Variants in CCNY observed in about 807,000 individuals in gnomAD.
CCNY encodes the protein cyclin Y.
CCNY carries 19 observed loss-of-function variants against 42.8 expected under a neutral mutation model. The observed-to-expected ratio is 0.44, with a 90% CI of 0.31 to 0.65. The LOEUF is 0.65. Among genes scored for constraint, CCNY ranks in the 30% least tolerant of loss-of-function variants. The probability of loss-of-function intolerance (pLI) is 0.07; values close to 1 mark genes in which losing one functional copy is unlikely to be tolerated. For missense variants in CCNY, 370 were observed against 437.3 expected, an observed-to-expected ratio of 0.85 and a Z score of 1.37; for synonymous variants, 165 against 162.7, an observed-to-expected ratio of 1.01 and a Z score of -0.11.
chr10:35,379,794 A>G (rs1272326610), intron 1 of CCNY, among the ~76,000 whole-genome samples: 1 of 151,772 alleles, frequency 6.6e-6, no homozygotes, highest in Non-Finnish European at 1.5e-5. Flanking sequence ...TCCACCCCCT[A>G]CCCCTTCTTT....
intron 1 of CCNY, among the ~76,000 whole-genome samples, chr10:35,384,554 TATTGA>T (rs1476901247): frequency 6.6e-6 from 1 of 152,216 alleles, no homozygotes; most frequent in Non-Finnish European, 1.5e-5. Flanking sequence ...CCTTTTGACA[TATTGA>T]ATTGGAGTCC....
intron 3 of CCNY, among the ~76,000 whole-genome samples, chr10:35,507,194 G>A (rs967498981): frequency 1.3e-5 from 2 of 152,140 alleles, no homozygotes; most frequent in African/African-American, 4.8e-5. Context: ...TGTCAGAAAA[G>A]CCCTTTAAGA....
chr10:35,500,986 A>G (rs909336956), intron 2 of CCNY, among the ~76,000 whole-genome samples: 1 of 152,218 alleles, frequency 6.6e-6, no homozygotes, highest in Non-Finnish European at 1.5e-5. Context: ...GCCCAGCTGT[A>G]TTCACCAGCA....
At chr10:35,535,413 T>A (rs1840865121) in intron 7 of CCNY, among the ~76,000 whole-genome samples, 1 of 152,184 alleles carries the variant, frequency 6.6e-6, no homozygotes, top group African/African-American at 2.4e-5. Context: ...GCATTCATGA[T>A]AAACAGTTTG....
At chr10:35,260,405 T>C (rs776921733) in intron 3 of CCNY, among the ~76,000 whole-genome samples, 43 of 152,146 alleles carry the variant, frequency 2.8e-4, no homozygotes, top group Non-Finnish European at 5.7e-4. Context: ...GACACCATCA[T>C]TCCCGTCACT....
chr10:35,458,227 T>C (rs2135324765), intron 1 of CCNY, among the ~76,000 whole-genome samples: 1 of 152,324 alleles, frequency 6.6e-6, no homozygotes, highest in African/African-American at 2.4e-5. Flanking sequence ...ACCTCAGAGT[T>C]GCTGATCCCT....
intron 1 of CCNY, among the ~76,000 whole-genome samples, chr10:35,437,141 G>A (rs1230309860): frequency 6.6e-6 from 1 of 152,128 alleles, no homozygotes; most frequent in African/African-American, 2.4e-5. Flanking sequence ...ATCTCCACCC[G>A]GCCCCACCAT....
rs1395140918 is a variant in CCNY at position 35,500,276 on chromosome 10, A to AT, written c.230-1220dup. On this transcript the variant is annotated intron_variant, in intron 2 of 9. Coordinates refer to ENST00000374704, the MANE Select transcript of CCNY (RefSeq NM_145012.6). ...AGTACTCAACAGTATCCTCAGACTAATTTTTGCTTTTGCATTTTTGCTTTT... is the reference window on the plus strand; with the variant it reads ...AGTACTCAACAGTATCCTCAGACTAATTTTTTGCTTTTGCATTTTTGCTTTT... 2.0e-5 allele frequency among the ~76,000 whole-genome samples: 3 copies of AT among 152,202 alleles called. No individual in the cohort carries two copies. In the East Asian group the frequency reaches 5.8e-4, roughly 29 times the overall value.
intron 3 of CCNY, among the ~76,000 whole-genome samples, chr10:35,326,597 G>C (rs1835883164): frequency 6.6e-6 from 1 of 152,116 alleles, no homozygotes; most frequent in African/African-American, 2.4e-5. Flanking sequence ...ACTTTTCCTG[G>C]ATCAGAACCA....
intron 9 of CCNY, among the ~76,000 whole-genome samples, chr10:35,568,288 G>C (rs1467480882): frequency 6.6e-6 from 1 of 152,164 alleles, no homozygotes; most frequent in Non-Finnish European, 1.5e-5. Context: ...GGCCCTAGGG[G>C]TTCAGCAGGG....
intron 7 of CCNY, among the ~76,000 whole-genome samples, chr10:35,537,316 C>G (rs1245504312): frequency 6.6e-6 from 1 of 152,200 alleles, no homozygotes. Context: ...AGAACCTTTG[C>G]CAGGACTGTG....
chr10:35,260,340 C>T (rs1170454449), intron 3 of CCNY, among the ~76,000 whole-genome samples: 1 of 152,164 alleles, frequency 6.6e-6, no homozygotes, highest in African/African-American at 2.4e-5. Context: ...CCTACCTCTG[C>T]AAGGCTGCCC....
chr10:35,521,776 A>C (rs758142199), intron 4 of CCNY, among the ~76,000 whole-genome samples: 12 of 152,314 alleles, frequency 7.9e-5, no homozygotes, highest in Non-Finnish European at 1.2e-4. Context: ...GTTCACTGCC[A>C]GCATGCACGG....
rs1168746838 is a variant in CCNY at position 35,529,960 on chromosome 10, T to A, written c.402-13T>A. ...AGAAAGTAAGTTTCATTTTCTATTA[T>A]TTTCCCTACCAGGGACCCAGATGGA... On this transcript the variant is annotated splice_polypyrimidine_tract_variant and intron_variant, in intron 5 of 9. Transcript: ENST00000374704. The A allele has an allele frequency of 9.3e-6, 15 of 1,608,166 alleles. No homozygotes were observed. The highest frequency in any genetic ancestry group is 1.3e-5 in the Non-Finnish European group (15 of 1,174,960).
chr10:35,467,438 T>A (rs1304186734), intron 1 of CCNY, among the ~76,000 whole-genome samples: 1 of 152,196 alleles, frequency 6.6e-6, no homozygotes, highest in African/African-American at 2.4e-5. Context: ...CTCCACACAT[T>A]GCTGAATACC....
rs892294560 is a variant in CCNY at position 35,276,672 on chromosome 10, C to T, written c.-9+26046C>T. 7.2e-5 allele frequency among the ~76,000 whole-genome samples: 11 copies of T among 152,354 alleles called. No homozygotes were observed. The South Asian group carries it at 1.0e-3, about 14-fold the overall frequency. ...AAGTGCTGGGATTACAGGCACGAGC[C>T]ACTGTGCCTGGCAGGGAGCCCAGTT... On this transcript the variant is annotated intron_variant, in intron 3 of 11. Coordinates refer to the CCNY transcript ENST00000374706.
At chr10:35,388,200 C>G (rs1480283135) in intron 1 of CCNY, among the ~76,000 whole-genome samples, 1 of 152,134 alleles carries the variant, frequency 6.6e-6, no homozygotes, top group Non-Finnish European at 1.5e-5. Flanking sequence ...ATGTTGTGCT[C>G]CATTTGTATT....
chr10:35,469,845 GAGAC>G (rs763429137), intron 1 of CCNY, among the ~76,000 whole-genome samples: 141 of 150,486 alleles, frequency 9.4e-4, no homozygotes, highest in Middle Eastern at 3.6e-3. Context: ...GGGCGATGGA[GAGAC>G]AGACAGGAAG....
At chr10:35,260,323 G>A (rs913007274) in intron 3 of CCNY, among the ~76,000 whole-genome samples, 5 of 152,174 alleles carry the variant, frequency 3.3e-5, no homozygotes, top group Admixed American at 1.3e-4. Context: ...AATGCTGTAT[G>A]TAAGAGCCTA....
Sources: allele counts gnomAD v4.1 joint callset (sites outside exome capture counted in the v4.1 genomes callset), GRCh38; gene constraint gnomAD v4.1.1; transcripts MANE v1.5; gene names NCBI Gene and HGNC (gene_info 2026-07-23, HGNC 2026-07-21).